CRAT: variants seen among roughly 807,000 people sequenced by gnomAD.
CRAT encodes carnitine O-acetyltransferase, also known as carnitine acetylase.
In CRAT, 66 loss-of-function variants were observed where a neutral mutation model predicts 73.7. That is an observed-to-expected ratio of 0.90 (90% confidence interval 0.73 to 1.10). The LOEUF is 1.10. CRAT is among the 50% of genes least tolerant of loss of function. CRAT has a pLI of 0.00. For missense variants in CRAT, 745 were observed against 846.9 expected (o/e 0.88, Z 1.49); for synonymous variants, 321 against 343.2 (o/e 0.94, Z 0.71).
At position 129,098,049 on chromosome 9, in the gene CRAT, G is replaced by C. The variant is rs767455192; in HGVS notation, c.1428C>G (p.Leu476=). 3 of 1,614,052 alleles carry C rather than the reference G, an allele frequency of 1.9e-6. No individual in the cohort carries two copies. Among genetic ancestry groups the C allele is most frequent in the Admixed American group, 1.7e-5 (1 of 60,030 alleles). The part of the protein sequence containing the change: ...DTIRSASMDS[L]TFVKAMDDSS... ...AGTCATCCATGGCCTTGACAAAGGTGAGTGAGTCCATGGAAGCCGAGCGGA... is the reference window on the plus strand; with the variant it reads ...AGTCATCCATGGCCTTGACAAAGGTCAGTGAGTCCATGGAAGCCGAGCGGA... The change falls in exon 11 of 14, where the codon CTC becomes CTG. Residue 476 remains leucine, a synonymous_variant. Coordinates refer to ENST00000318080, the MANE Select transcript of CRAT (RefSeq NM_000755.5).
chr9:129,098,692 A>G (rs1847454279), intron 8 of CRAT, 42 bp from the exon 9 acceptor site: 1 of 1,578,228 alleles, frequency 6.3e-7, no homozygotes. Flanking sequence ...TGGTGCCTCT[A>G]GAGCCTGGGT....
chr9:129,097,224 G>T, intron 12 of CRAT, 26 bp downstream of exon 12: 1 of 1,540,128 alleles, frequency 6.5e-7, no homozygotes, highest in Non-Finnish European at 8.8e-7. Context: ...AGGGACAAGT[G>T]AGTAGGCACA....
chr9:129,097,245 C>CTTACCCGGTCGGTGT lies in CRAT; in HGVS notation c.1517_1527+4dup. 1 of 1,556,320 alleles carries CTTACCCGGTCGGTGT rather than the reference C, an allele frequency of 6.4e-7. No individual in the cohort carries two copies. On this transcript the variant is annotated splice_donor_region_variant and intron_variant, in intron 12 of 13. Coordinates refer to ENST00000318080, the MANE Select transcript of CRAT (RefSeq NM_000755.5). ...AAGTGAGTAGGCACAAGCGGGCTCA[C>CTTACCCGGTCGGTGT]TTACCCGGTCGGTGTAGCCTCGGTG...
Position 129,098,535 on chromosome 9 carries a change from T to G in CRAT, c.1201A>C (p.Ser401Arg), listed in dbSNP as rs774842912. 6.2e-7 allele frequency: 1 copy of G among 1,606,558 alleles called. No individual in the cohort carries two copies. Among genetic ancestry groups the G allele is most frequent in the Non-Finnish European group, 8.5e-7 (1 of 1,177,542 alleles). The stretch of plus-strand genomic sequence containing the variant: ...ATGGCGGGGGCAGGCACTTACATGC[T>G]GAGGTTCTGCTTGGCCTTCTCGATG... ...SDIEKAKQNL[S>R]IMIQDLDITV... The change falls in exon 9 of 14, where the codon AGC becomes CGC. Residue 401 changes from serine (S) to arginine (R), a missense_variant. Ser to Arg is a moderately radical substitution (Grantham distance 110). Transcript: ENST00000318080.
Position 129,107,551 on chromosome 9 carries a change from C to T in CRAT, c.291+263G>A, listed in dbSNP as rs2131493385. On this transcript the variant is annotated intron_variant, in intron 2 of 13. Transcript: ENST00000318080. The surrounding 1 kb of genome is among the most constrained non-coding windows in gnomAD (Gnocchi z 5.0). ...GTTGTACCTGCCGTGCACCCCACTC[C>T]TGCCTCTGTCCTGGAACATGAAACC... is the stretch of plus-strand genomic sequence containing the variant. 4.5e-6 allele frequency: 3 copies of T among 663,476 alleles called. No individual in the cohort carries two copies. In the East Asian group the frequency reaches 8.2e-5, roughly 18 times the overall value. The allele number at this position is 663,476 out of a possible 1,614,324, so 41.1% of individuals were successfully genotyped here.
chr9:129,100,243 G>T, intron 7 of CRAT: 1 of 584,294 alleles, frequency 1.7e-6, no homozygotes, highest in Non-Finnish European at 3.0e-6. Flanking sequence ...TGTTGTGCCA[G>T]GATTGCACTG....
At chr9:129,098,780 G>A (rs1343057142) in intron 8 of CRAT, 130 bp from the exon 9 acceptor site, 5 of 1,033,258 alleles carry the variant, frequency 4.8e-6, no homozygotes, top group Non-Finnish European at 6.7e-6. Context: ...AGTTTGTTCT[G>A]AAAACCACCC....
In CRAT at chr9:129,104,923, C is replaced by T. The variant is rs1254322665; in HGVS notation, c.292-617G>A. Among the ~76,000 whole-genome samples the T allele has an allele frequency of 1.6e-4, 17 of 105,412 alleles. No homozygotes were observed. The East Asian group carries it at 2.8e-3, about 17-fold the overall frequency. 69.2% of individuals were successfully genotyped at this position (105,412 alleles called of 152,430 possible). A position where few individuals can be genotyped will look rare whatever the true frequency, so the allele number is the denominator to read the frequency against. On this transcript the variant is annotated intron_variant, in intron 2 of 13. Transcript: ENST00000318080. ...CCGGTCTTTTTTTTTTTTTTTGAGA[C>T]GGAGTCTCGCTCTGTCCCCCACGCT... is the stretch of plus-strand genomic sequence containing the variant.
intron 4 of CRAT, 141 bp from the exon 5 acceptor site, chr9:129,102,706 G>T: frequency 9.7e-7 from 1 of 1,027,124 alleles, no homozygotes; most frequent in African/African-American, 1.6e-5. Flanking sequence ...ACACCTCAGG[G>T]CTGTGCTGTG....
Position 129,110,110 on chromosome 9 carries a change from G to A in CRAT, c.27+373C>T, listed in dbSNP as rs1848316012. ...GGACAGGGTCGGAGGAGTGGCTCTG[G>A]CCTAAGCGTGCGACGGGTGTGTCAA... On this transcript the variant is annotated intron_variant, in intron 1 of 13. Transcript: ENST00000318080. This position sits in a 1 kb window ranked among gnomAD's most constrained non-coding sequence, Gnocchi z 5.3. Among the ~76,000 whole-genome samples the A allele has an allele frequency of 6.6e-6, 1 of 152,138 alleles. No individual in the cohort carries two copies. Among genetic ancestry groups the A allele is most frequent in the Non-Finnish European group, 1.5e-5 (1 of 68,026 alleles).
At chr9:129,096,353 T>C (rs1475125783) in intron 12 of CRAT, among the ~76,000 whole-genome samples, 2 of 152,084 alleles carry the variant, frequency 1.3e-5, no homozygotes, top group African/African-American at 4.8e-5. Context: ...AAGTGCAGGG[T>C]TGTAGGGCAG....
chr9:129,106,774 CA>C lies in CRAT; in HGVS notation c.291+1039del, dbSNP rs979879124. Reference sequence around the variant, plus strand: ...CCTCCCCATGGCACCCCCTATAACACAGCATTTCCCAGGGCCGGACCCGCTC... The same window carrying C: ...CCTCCCCATGGCACCCCCTATAACACGCATTTCCCAGGGCCGGACCCGCTC... On this transcript the variant is annotated intron_variant, in intron 2 of 13. Transcript: ENST00000318080. The surrounding 1 kb of genome is among the most constrained non-coding windows in gnomAD (Gnocchi z 4.0). 6.6e-6 allele frequency among the ~76,000 whole-genome samples: 1 copy of C among 152,144 alleles called. No homozygotes were observed. Among genetic ancestry groups the C allele is most frequent in the African/African-American group, 2.4e-5 (1 of 41,406 alleles).
rs1432520246 is a variant in CRAT, at chr9:129,103,059, C to A, written c.418G>T (p.Ala140Ser). 3 of 1,613,986 alleles carry A rather than the reference C, an allele frequency of 1.9e-6. No individual in the cohort carries two copies. Among genetic ancestry groups the A allele is most frequent in the Non-Finnish European group, 2.5e-6 (3 of 1,179,948 alleles). The change falls in exon 4 of 14, where the codon GCC becomes TCC. Residue 140 changes from alanine to serine, a missense_variant. Coordinates refer to ENST00000318080, the MANE Select transcript of CRAT (RefSeq NM_000755.5). The surrounding 1 kb of genome is among the most constrained non-coding windows in gnomAD (Gnocchi z 4.6). Reference protein sequence around the residue: ...VDLQGQLRFAAKLIEGVLDFK... With the variant: ...VDLQGQLRFASKLIEGVLDFK... ...TCCAACACACCCTCAATGAGTTTGG[C>A]AGCAAATCTGGAAAGATTGATTAGA...
chr9:129,100,777 G>A (rs1847624739), intron 6 of CRAT, 88 bp from the exon 7 acceptor site: 1 of 1,467,886 alleles, frequency 6.8e-7, no homozygotes, highest in South Asian at 1.3e-5. Context: ...TCCTGCCCTG[G>A]GCTCTTCTGA....
chr9:129,097,875 G>GGCTCCAGCTTCTGTTAGATTCCCC, intron 11 of CRAT, 138 bp downstream of exon 11: 1 of 1,275,168 alleles, frequency 7.8e-7, no homozygotes, highest in Non-Finnish European at 1.1e-6. Flanking sequence ...CTAGATTCAC[G>GGCTCCAGCTTCTGTTAGATTCCCC]GCTCCAGCTT....
In CRAT at chr9:129,103,545, T is replaced by C. The variant is rs1205604634; in HGVS notation, c.411-479A>G. On this transcript the variant is annotated intron_variant, in intron 3 of 13. Coordinates refer to ENST00000318080, the MANE Select transcript of CRAT (RefSeq NM_000755.5). This position sits in a 1 kb window ranked among gnomAD's most constrained non-coding sequence, Gnocchi z 4.6. ...CCCTTCCCCACTCTGGGCCTCTGTG[T>C]CCCCCAGGCCGCCTTCCTCCCAGGG... Among the ~76,000 whole-genome samples, 1 of 152,026 alleles carries C rather than the reference T, an allele frequency of 6.6e-6. No homozygotes were observed. Among genetic ancestry groups the C allele is most frequent in the Non-Finnish European group, 1.5e-5 (1 of 67,978 alleles).
Position 129,110,754 on chromosome 9 carries a change from C to A in CRAT, c.-245G>T. Reference sequence around the variant, plus strand: ...GCCTGGGCCGGTAGCGGGCCCCGGGCGGGCAACGGTGCCCGGGAGGTTGGC... The same window carrying A: ...GCCTGGGCCGGTAGCGGGCCCCGGGAGGGCAACGGTGCCCGGGAGGTTGGC... On this transcript the variant is annotated 5_prime_UTR_variant, in exon 1 of 14. Coordinates refer to ENST00000318080, the MANE Select transcript of CRAT (RefSeq NM_000755.5). This position sits in a 1 kb window ranked among gnomAD's most constrained non-coding sequence, Gnocchi z 5.3. The A allele has an allele frequency of 2.3e-6, 1 of 433,348 alleles. No individual in the cohort carries two copies. The highest frequency in any genetic ancestry group is 6.7e-5 in the East Asian group (1 of 14,852). 26.8% of individuals were successfully genotyped at this position (433,348 alleles called of 1,614,324 possible).
In CRAT at chr9:129,104,114, C is replaced by A; in HGVS notation, c.410+74G>T. Reference sequence around the variant, plus strand: ...GGCAGAAAGATAAACAGGGTCGGGGCCCCTCCAAGCGGCTGGGCGAAGTGA... The same window carrying A: ...GGCAGAAAGATAAACAGGGTCGGGGACCCTCCAAGCGGCTGGGCGAAGTGA... On this transcript the variant is annotated intron_variant, in intron 3 of 13. Coordinates refer to ENST00000318080, the MANE Select transcript of CRAT (RefSeq NM_000755.5). The A allele has an allele frequency of 9.2e-6, 10 of 1,092,496 alleles. 1 individual carries two copies. In the South Asian group the frequency reaches 1.3e-4, roughly 14 times the overall value. The allele number at this position is 1,092,496 out of a possible 1,614,324, so 67.7% of individuals were successfully genotyped here.
Position 129,106,940 on chromosome 9 carries a change from G to A in CRAT, c.291+874C>T, listed in dbSNP as rs1024316179. ...TAACGACTCTCCCTCTCTCCCATCCGGTGTCAGACCCAGGCTGCCACAGCT... is the reference window on the plus strand; with the variant it reads ...TAACGACTCTCCCTCTCTCCCATCCAGTGTCAGACCCAGGCTGCCACAGCT... On this transcript the variant is annotated intron_variant, in intron 2 of 13. Coordinates refer to ENST00000318080, the MANE Select transcript of CRAT (RefSeq NM_000755.5). This position sits in a 1 kb window ranked among gnomAD's most constrained non-coding sequence, Gnocchi z 4.0. Among the ~76,000 whole-genome samples, 1 of 152,032 alleles carries A rather than the reference G, an allele frequency of 6.6e-6. No individual in the cohort carries two copies. The highest frequency in any genetic ancestry group is 2.4e-5 in the African/African-American group (1 of 41,352).
Sources: gnomAD v4.1 joint callset for allele counts (sites outside exome capture counted in the v4.1 genomes callset) on GRCh38, gnomAD v4.1.1 for gene constraint, Gnocchi (gnomAD v3.1) non-coding constraint, MANE v1.5 for transcripts, NCBI Gene and HGNC (gene_info 2026-07-23, HGNC 2026-07-21) for gene names.